Variants in VPS13D observed in about 807,000 individuals in gnomAD.
VPS13D encodes intermembrane lipid transfer protein VPS13D.
A neutral mutation model predicts 461.9 loss-of-function variants in VPS13D; 187 were observed. That is an observed-to-expected ratio of 0.40 (90% confidence interval 0.36 to 0.46). The LOEUF (loss-of-function observed/expected upper bound fraction) is 0.46. Among genes scored for constraint, VPS13D ranks in the 20% least tolerant of loss-of-function variants. The pLI is 0.60. For synonymous variants in VPS13D, 1,951 were observed against 1,986.3 expected (o/e 0.98, Z 0.47); for missense variants, 4,711 against 5,364.9 (o/e 0.88, Z 3.81).
intron 46 of VPS13D, 136 bp from the exon 47 acceptor site, chr1:12,353,838 G>A (rs1643863455): frequency 5.7e-6 from 5 of 873,418 alleles, no homozygotes; most frequent in Non-Finnish European, 8.6e-6. Flanking sequence ...CTTAATAAAT[G>A]TATTTGGATT....
chr1:12,361,827 G>A (rs973397251), intron 50 of VPS13D, among the ~76,000 whole-genome samples: 6 of 152,010 alleles, frequency 3.9e-5, no homozygotes, highest in Non-Finnish European at 8.8e-5. Context: ...AGTAGGCGCT[G>A]AAAACAGTAA....
chr1:12,343,516 A>G (rs987146598), intron 42 of VPS13D, among the ~76,000 whole-genome samples: 3 of 151,650 alleles, frequency 2.0e-5, no homozygotes, highest in African/African-American at 7.3e-5. Flanking sequence ...TATTTCGTAA[A>G]TCAGTGTTTC....
intron 65 of VPS13D, among the ~76,000 whole-genome samples, chr1:12,422,711 AT>A (rs1644878514): frequency 6.6e-6 from 1 of 152,136 alleles, no homozygotes; most frequent in Non-Finnish European, 1.5e-5. Flanking sequence ...GAGACCCTTT[AT>A]ATACATTGTC....
intron 67 of VPS13D, among the ~76,000 whole-genome samples, chr1:12,484,669 T>C (rs1645772704): frequency 6.6e-6 from 1 of 152,194 alleles, no homozygotes; most frequent in African/African-American, 2.4e-5. Context: ...TGTAGAGACA[T>C]AGCGTGGACC....
intron 52 of VPS13D, among the ~76,000 whole-genome samples, chr1:12,367,139 C>T (rs1644046693): frequency 6.6e-6 from 1 of 152,018 alleles, no homozygotes; most frequent in African/African-American, 2.4e-5. Flanking sequence ...TAGAGTAGTC[C>T]CGCTTTGCCC....
rs140387087 is a variant in VPS13D at position 12,241,737 on chromosome 1, G to A, written c.98-776G>A. On this transcript the variant is annotated intron_variant, in intron 2 of 69. Coordinates refer to ENST00000620676, the MANE Select transcript of VPS13D (RefSeq NM_015378.4). ...CACTTGTAAGTAGAGGTGCTAAGGAGTTCCCCAGAAGAGAAGAGTATAATT... is the reference window on the plus strand; with the variant it reads ...CACTTGTAAGTAGAGGTGCTAAGGAATTCCCCAGAAGAGAAGAGTATAATT... Among the ~76,000 whole-genome samples the A allele has an allele frequency of 4.4e-3, 676 of 152,296 alleles. 6 individuals carry two copies. Among genetic ancestry groups the A allele is most frequent in the African/African-American group, 0.016 (649 of 41,550 alleles).
At chr1:12,386,442 T>C in intron 60 of VPS13D, 108 bp downstream of exon 60, 1 of 1,287,686 alleles carries the variant, frequency 7.8e-7, no homozygotes, top group Non-Finnish European at 1.0e-6. Flanking sequence ...AGGAAATATC[T>C]TGTGGCCTTC....
intron 67 of VPS13D, among the ~76,000 whole-genome samples, chr1:12,488,695 A>G (rs935010794): frequency 9.2e-5 from 13 of 141,600 alleles, no homozygotes; most frequent in African/African-American, 3.1e-4. Context: ...AAAAAAAAGT[A>G]GTGAAAATGT....
intron 67 of VPS13D, among the ~76,000 whole-genome samples, chr1:12,483,186 C>A (rs778207963): frequency 9.2e-5 from 14 of 152,208 alleles, no homozygotes; most frequent in Non-Finnish European, 1.6e-4. Flanking sequence ...CTCCTCCAGC[C>A]GTGTACCAGC....
intron 67 of VPS13D, among the ~76,000 whole-genome samples, chr1:12,493,138 G>C (rs1172876383): frequency 6.7e-6 from 1 of 149,386 alleles, no homozygotes. Flanking sequence ...GATGAGAGTG[G>C]GCCTTGAACT....
chr1:12,415,618 C>T (rs1486659144), intron 64 of VPS13D, among the ~76,000 whole-genome samples: 1 of 147,932 alleles, frequency 6.8e-6, no homozygotes, highest in Non-Finnish European at 1.5e-5. Context: ...TTTTTTAAAT[C>T]ACCTTGGACA....
rs756707937 is a variant in VPS13D, at chr1:12,283,374, T to C, written c.5272T>C (p.Tyr1758His). The part of the protein sequence containing the change: ...KKQKEVQDKD[Y>H]PLTPPPSPTV... ...GCAAAAGGAAGTCCAAGACAAGGAC[T>C]ATCCCTTGACCCCACCTCCTTCTCC... Residue 1758 changes from tyrosine (Y) to histidine (H), a missense_variant, in exon 21 of 70, where the codon TAT (tyrosine) becomes CAT (histidine). Tyr to His is a moderately conservative substitution (Grantham distance 83). Coordinates refer to ENST00000620676, the MANE Select transcript of VPS13D (RefSeq NM_015378.4). 2 of 1,614,194 alleles carry C rather than the reference T, an allele frequency of 1.2e-6. No individual in the cohort carries two copies. Among genetic ancestry groups the C allele is most frequent in the Admixed American group, 3.3e-5 (2 of 60,026 alleles).
At chr1:12,465,884 C>G (rs528370202) in intron 67 of VPS13D, among the ~76,000 whole-genome samples, 63 of 152,278 alleles carry the variant, frequency 4.1e-4, no homozygotes, top group African/African-American at 1.5e-3. Flanking sequence ...CGCCTGTAAT[C>G]CCAGCACTTT....
chr1:12,439,116 G>T (rs1286331464), intron 65 of VPS13D, among the ~76,000 whole-genome samples: 1 of 152,008 alleles, frequency 6.6e-6, no homozygotes, highest in Non-Finnish European at 1.5e-5. Context: ...AACAGATTTG[G>T]TCACCCAGCC....
chr1:12,264,254 G>C (rs1371837268), intron 13 of VPS13D, among the ~76,000 whole-genome samples: 1 of 152,112 alleles, frequency 6.6e-6, no homozygotes, highest in African/African-American at 2.4e-5. Flanking sequence ...TGTTGAAATT[G>C]GGCTAATAAC....
rs774638553 is a variant in VPS13D, at chr1:12,262,089, C to T, written c.1594+9C>T. The T allele has an allele frequency of 5.0e-6, 8 of 1,600,978 alleles. No homozygotes were observed. The highest frequency in any genetic ancestry group is 1.7e-5 in the Admixed American group (1 of 59,146). On this transcript the variant is annotated intron_variant, in intron 13 of 69. Coordinates refer to ENST00000620676, the MANE Select transcript of VPS13D (RefSeq NM_015378.4). ...GCAGCTCGAGTTTTCAGGTACACTG[C>T]CCCCAAGAAACTACCTGCCACTGTT...
intron 65 of VPS13D, among the ~76,000 whole-genome samples, chr1:12,421,519 A>G (rs912191213): frequency 1.3e-5 from 2 of 152,120 alleles, no homozygotes; most frequent in Non-Finnish European, 2.9e-5. Flanking sequence ...CTATTGATGA[A>G]ATTTCCTCTC....
At chr1:12,230,357 C>T (rs534678050) in intron 1 of VPS13D, among the ~76,000 whole-genome samples, 1 of 152,266 alleles carries the variant, frequency 6.6e-6, no homozygotes, top group East Asian at 1.9e-4. Context: ...GGGACCCCTG[C>T]GTCCGAGTCC....
chr1:12,321,991 GT>G (rs1643050659), intron 33 of VPS13D, 27 bp downstream of exon 33: 1 of 1,610,810 alleles, frequency 6.2e-7, no homozygotes, highest in African/African-American at 1.3e-5. Flanking sequence ...TGTGCAATAC[GT>G]TGATATGCTC....
Sources: gnomAD v4.1 joint callset for allele counts (sites outside exome capture counted in the v4.1 genomes callset) on GRCh38, gnomAD v4.1.1 for gene constraint, MANE v1.5 for transcripts, NCBI Gene and HGNC (gene_info 2026-07-23, HGNC 2026-07-21) for gene names.